PAX2: variants seen among roughly 807,000 people sequenced by gnomAD.
PAX2 encodes paired box 2.
A neutral mutation model predicts 41.7 loss-of-function variants in PAX2; 9 were observed. That is an observed-to-expected ratio of 0.22 (90% confidence interval 0.13 to 0.38). PAX2 has a LOEUF of 0.38. Among genes scored for constraint, PAX2 ranks in the 10% least tolerant of loss-of-function variants. The pLI is 1.00. For synonymous variants in PAX2, 221 were observed against 212.7 expected (o/e 1.04, Z -0.34); for missense variants, 418 against 531.6 (o/e 0.79, Z 2.10).
At chr10:100,820,709 A>G (rs1437609725) in intron 7 of PAX2, among the ~76,000 whole-genome samples, 1 of 152,254 alleles carries the variant, frequency 6.6e-6, no homozygotes, top group African/African-American at 2.4e-5. Context: ...GCGAGACTTC[A>G]TCTCAAAAAA....
At chr10:100,799,548 T>C (rs1431751919) in intron 5 of PAX2, among the ~76,000 whole-genome samples, 1 of 152,212 alleles carries the variant, frequency 6.6e-6, no homozygotes, top group Non-Finnish European at 1.5e-5. Context: ...TGGAGAGAGC[T>C]TCAGAGTCCG....
In PAX2 at chr10:100,827,524, C is replaced by T. The variant is rs1220947510; in HGVS notation, c.1109-19C>T. 15 of 1,612,072 alleles carry T rather than the reference C, an allele frequency of 9.3e-6. No homozygotes were observed. The highest frequency in any genetic ancestry group is 1.2e-5 in the Non-Finnish European group (14 of 1,178,254). ...TTGTCCTCTCACCCAGCCCATTCTT[C>T]TCCTGTGTTAACTTCCAGGTTCCCC... On this transcript the variant is annotated intron_variant, in intron 9 of 9. Transcript: ENST00000355243. The surrounding 1 kb of genome is among the most constrained non-coding windows in gnomAD (Gnocchi z 8.5).
Position 100,827,449 on chromosome 10 carries a change from A to T in PAX2, c.1109-94A>T. The T allele has an allele frequency of 7.7e-7, 1 of 1,295,176 alleles. No homozygotes were observed. Among genetic ancestry groups the T allele is most frequent in the South Asian group, 1.2e-5 (1 of 83,816 alleles). 80.2% of individuals were successfully genotyped at this position (1,295,176 alleles called of 1,614,324 possible). A position where few individuals can be genotyped will look rare whatever the true frequency, so the allele number is the denominator to read the frequency against. On this transcript the variant is annotated intron_variant, in intron 9 of 9. Coordinates refer to ENST00000355243, the MANE Select transcript of PAX2 (RefSeq NM_000278.5). The surrounding 1 kb of genome is among the most constrained non-coding windows in gnomAD (Gnocchi z 8.5). ...CCCAGTCCGGATCCCGCTGGACCCCAGCCAGGGGAGGTCTTTTCTGTGCTT... is the reference window on the plus strand; with the variant it reads ...CCCAGTCCGGATCCCGCTGGACCCCTGCCAGGGGAGGTCTTTTCTGTGCTT...
intron 5 of PAX2, among the ~76,000 whole-genome samples, chr10:100,805,209 A>G (rs989108683): frequency 4.6e-5 from 7 of 152,178 alleles, no homozygotes; most frequent in African/African-American, 1.7e-4. Context: ...ATCAATATGT[A>G]ATATTTTCTA....
intron 3 of PAX2, among the ~76,000 whole-genome samples, chr10:100,775,179 G>T (rs756080089): frequency 5.4e-4 from 82 of 152,220 alleles, no homozygotes; most frequent in Admixed American, 2.1e-3. Context: ...GCCTGGGGCC[G>T]TGGAGGTTTG....
At position 100,809,202 on chromosome 10, in the gene PAX2, C is replaced by T. The variant is rs768564591; in HGVS notation, c.885C>T (p.Asn295=). 1.9e-5 allele frequency: 31 copies of T among 1,613,734 alleles called. No individual in the cohort carries two copies. The highest frequency in any genetic ancestry group is 6.7e-5 in the African/African-American group (5 of 74,896). The change falls in exon 7 of 10, where the codon AAC becomes AAT. Residue 295 remains asparagine, a synonymous_variant. Coordinates refer to ENST00000355243, the MANE Select transcript of PAX2 (RefSeq NM_000278.5). ...SASTNPELGS[N]VSGTQTYPVV... ...CCACCAACCCTGAGCTGGGCAGCAA[C>T]GTGTCAGGCACACAGACATACCCAG...
upstream of PAX2, among the ~76,000 whole-genome samples, chr10:100,744,727 G>A (rs752065675): frequency 6.6e-6 from 1 of 152,190 alleles, no homozygotes. Flanking sequence ...GTCACCCGAG[G>A]GTTCAGAAAC....
intron 7 of PAX2, among the ~76,000 whole-genome samples, chr10:100,818,149 G>A (rs1848251288): frequency 6.6e-6 from 1 of 152,138 alleles, no homozygotes; most frequent in Admixed American, 6.5e-5. Context: ...TATGTTTTCT[G>A]GCCTTAGGGT....
chr10:100,745,906 G>T lies in PAX2; in HGVS notation c.-355G>T. On this transcript the variant is annotated 5_prime_UTR_variant, in exon 1 of 10. Coordinates refer to ENST00000355243, the MANE Select transcript of PAX2 (RefSeq NM_000278.5). ...GATGACCAGGTTCCAGGGGAGCTGA[G>T]CGAGTCGCCTCCCCCGCCCAGCTTC... 1 of 1,190,096 alleles carries T rather than the reference G, an allele frequency of 8.4e-7. No individual in the cohort carries two copies. The highest frequency in any genetic ancestry group is 1.0e-6 in the Non-Finnish European group (1 of 960,142). 73.7% of individuals were successfully genotyped at this position (1,190,096 alleles called of 1,614,324 possible).
chr10:100,774,874 C>T (rs1846328931), intron 3 of PAX2, among the ~76,000 whole-genome samples: 1 of 152,260 alleles, frequency 6.6e-6, no homozygotes, highest in Non-Finnish European at 1.5e-5. Context: ...CCTTTTGCTG[C>T]TCTCACTCCC....
chr10:100,764,893 C>A (rs1229517748), intron 3 of PAX2, among the ~76,000 whole-genome samples: 1 of 151,682 alleles, frequency 6.6e-6, no homozygotes, highest in East Asian at 1.9e-4. Context: ...TCCACTGATT[C>A]TTAAATGTCA....
rs1030325725 is a variant in PAX2, at chr10:100,791,618, C to T, written c.616+10253C>T. Among the ~76,000 whole-genome samples the T allele has an allele frequency of 1.3e-5, 2 of 152,184 alleles. No individual in the cohort carries two copies. The highest frequency in any genetic ancestry group is 4.8e-5 in the African/African-American group (2 of 41,446). ...AGTGTGAGCAGGAGAGCAAGCGAGC[C>T]AGTGACAGAGGGAGAGATGCGCGGA... On this transcript the variant is annotated intron_variant, in intron 5 of 9. Transcript: ENST00000355243. This position sits in a 1 kb window ranked among gnomAD's most constrained non-coding sequence, Gnocchi z 4.5.
chr10:100,753,856 T>G (rs896773710), intron 3 of PAX2, among the ~76,000 whole-genome samples: 1 of 152,252 alleles, frequency 6.6e-6, no homozygotes, highest in South Asian at 2.1e-4. Context: ...TATTCTCCAC[T>G]AGCAAATCCT....
upstream of PAX2, among the ~76,000 whole-genome samples, chr10:100,741,140 C>T (rs1844936426): frequency 6.6e-6 from 1 of 152,090 alleles, no homozygotes; most frequent in South Asian, 2.1e-4. Flanking sequence ...AGGATAAAGG[C>T]CCAGCACGTG....
intron 1 of PAX2, chr10:100,747,916 C>A (rs1427817725): frequency 4.1e-6 from 4 of 983,790 alleles, no homozygotes; most frequent in Non-Finnish European, 3.6e-6. Flanking sequence ...CCGCCGAGTC[C>A]TGGCTGCCCG....
At chr10:100,817,720 G>T (rs1015436371) in intron 7 of PAX2, among the ~76,000 whole-genome samples, 1 of 152,078 alleles carries the variant, frequency 6.6e-6, no homozygotes, top group Non-Finnish European at 1.5e-5. Context: ...GGGGTATGGG[G>T]CTGAGGCCAG....
At chr10:100,772,536 A>G (rs1846251715) in intron 3 of PAX2, among the ~76,000 whole-genome samples, 1 of 151,888 alleles carries the variant, frequency 6.6e-6, no homozygotes, top group Admixed American at 6.6e-5. Flanking sequence ...CCCCATGACC[A>G]TTCGTCTGGC....
At position 100,828,879 on chromosome 10, in the gene PAX2, C is replaced by T. The variant is rs1477494956; in HGVS notation, c.*1260C>T. On this transcript the variant is annotated 3_prime_UTR_variant, in exon 10 of 10. Coordinates refer to ENST00000355243, the MANE Select transcript of PAX2 (RefSeq NM_000278.5). The surrounding 1 kb of genome is among the most constrained non-coding windows in gnomAD (Gnocchi z 6.5). ...TGCTTTGTGGAAAGACGGTGTGTGT[C>T]GTGTGAAGGCGAAACCCGGTGTACA... 2.6e-5 allele frequency: 6 copies of T among 231,132 alleles called. No individual in the cohort carries two copies. Among genetic ancestry groups the T allele is most frequent in the Non-Finnish European group, 4.3e-5 (5 of 116,288 alleles). The allele number at this position is 231,132 out of a possible 1,614,324, so 14.3% of individuals were successfully genotyped here. A position where few individuals can be genotyped will look rare whatever the true frequency, so the allele number is the denominator to read the frequency against.
intron 2 of PAX2, 49 bp downstream of exon 2, chr10:100,749,963 C>G (rs780443424): frequency 1.1e-5 from 17 of 1,590,738 alleles, no homozygotes; most frequent in Non-Finnish European, 1.5e-5. Flanking sequence ...ACTTCCCCGG[C>G]CAGCCCTGGG....
Sources: gnomAD v4.1 joint callset for allele counts (sites outside exome capture counted in the v4.1 genomes callset) on GRCh38, gnomAD v4.1.1 for gene constraint, Gnocchi (gnomAD v3.1) non-coding constraint, MANE v1.5 for transcripts, NCBI Gene and HGNC (gene_info 2026-07-23, HGNC 2026-07-21) for gene names.